Variants in TMEM108 observed in about 807,000 individuals in gnomAD.
TMEM108 encodes cancer/testis antigen 124.
Under a neutral mutation model 35.1 loss-of-function variants are expected in TMEM108, and 12 were observed. The observed-to-expected ratio is 0.34, with a 90% confidence interval of 0.22 to 0.55. TMEM108 has a LOEUF of 0.55. Ranked by LOEUF, TMEM108 falls within the 20% of genes least tolerant of loss-of-function variation. The pLI, the probability that TMEM108 is intolerant of heterozygous loss-of-function variation, is 0.89. For missense variants in TMEM108, 680 were observed against 753.3 expected (o/e 0.90, Z 1.14); for synonymous variants, 287 against 308.6 (o/e 0.93, Z 0.73).
At chr3:133,060,997 A>G (rs950478384) in intron 2 of TMEM108, among the ~76,000 whole-genome samples, 3 of 152,186 alleles carry the variant, frequency 2.0e-5, no homozygotes, top group Non-Finnish European at 4.4e-5. Context: ...TTTTAATGGA[A>G]GGATATCCCT....
At chr3:133,180,387 A>C (rs948750691) in intron 2 of TMEM108, among the ~76,000 whole-genome samples, 1 of 152,124 alleles carries the variant, frequency 6.6e-6, no homozygotes, top group Non-Finnish European at 1.5e-5. Flanking sequence ...TTTTTCTGGA[A>C]GAAGGCCTCA....
intron 2 of TMEM108, among the ~76,000 whole-genome samples, chr3:133,109,501 T>TG (rs1944200438): frequency 6.6e-6 from 1 of 152,108 alleles, no homozygotes; most frequent in African/African-American, 2.4e-5. Context: ...TGTGTATCTC[T>TG]GGGGAGAGTT....
chr3:133,389,246 C>T, intron 4 of TMEM108: 1 of 985,452 alleles, frequency 1.0e-6, no homozygotes. Flanking sequence ...CATAATTCTT[C>T]CTCCTGGGCC....
intron 2 of TMEM108, among the ~76,000 whole-genome samples, chr3:133,101,059 C>A (rs1396409954): frequency 6.6e-6 from 1 of 152,010 alleles, no homozygotes; most frequent in African/African-American, 2.4e-5. Context: ...TTTTCTGTGT[C>A]CTATTTTTGA....
At chr3:133,186,898 G>C (rs1194437244) in intron 2 of TMEM108, among the ~76,000 whole-genome samples, 2 of 152,098 alleles carry the variant, frequency 1.3e-5, no homozygotes, top group South Asian at 4.1e-4. Context: ...GTGTATGTGT[G>C]TGTGTGTTTT....
intron 2 of TMEM108, among the ~76,000 whole-genome samples, chr3:133,159,039 G>A (rs1433086079): frequency 6.6e-6 from 1 of 152,200 alleles, no homozygotes; most frequent in Non-Finnish European, 1.5e-5. Context: ...ATCACCCAGA[G>A]AAGGACAGCA....
At chr3:133,111,002 A>T (rs529755042) in intron 2 of TMEM108, among the ~76,000 whole-genome samples, 1 of 152,234 alleles carries the variant, frequency 6.6e-6, no homozygotes, top group South Asian at 2.1e-4. Context: ...AGGTTTCTCA[A>T]TCCTTTCACT....
chr3:133,331,193 A>G (rs1029303406), intron 3 of TMEM108, among the ~76,000 whole-genome samples: 1 of 152,228 alleles, frequency 6.6e-6, no homozygotes, highest in Admixed American at 6.5e-5. Context: ...AGGCCTCAAC[A>G]AAATGAGGCT....
intron 3 of TMEM108, among the ~76,000 whole-genome samples, chr3:133,251,098 A>T (rs989465412): frequency 2.6e-5 from 4 of 152,202 alleles, no homozygotes; most frequent in African/African-American, 9.6e-5. Context: ...CAGCCAGTCC[A>T]TGATCAGTCA....
intron 2 of TMEM108, among the ~76,000 whole-genome samples, chr3:133,161,511 T>C (rs1944961716): frequency 6.6e-6 from 1 of 152,218 alleles, no homozygotes; most frequent in Non-Finnish European, 1.5e-5. Flanking sequence ...AATTAATAGC[T>C]ATTGAATGAA....
rs180810642 is a variant in TMEM108 at position 133,120,555 on chromosome 3, A to G, written c.-47+74535A>G. The stretch of plus-strand genomic sequence containing the variant: ...TTGCTTTATGCCTAACTAGACCACT[A>G]TTACAACAAAGCAGATGCTCTGGGC... On this transcript the variant is annotated intron_variant, in intron 2 of 5. Transcript: ENST00000321871. 1.1e-4 allele frequency among the ~76,000 whole-genome samples: 16 copies of G among 152,296 alleles called. No homozygotes were observed. In the South Asian group the frequency reaches 2.5e-3, roughly 24 times the overall value.
chr3:133,090,520 T>C lies in TMEM108; in HGVS notation c.-47+44500T>C, dbSNP rs552022814. ...TTTGGGACAAAGCCATCAGTAAGCA[T>C]CAGTAAGTCATTTCGCATTACTATA... is the stretch of plus-strand genomic sequence containing the variant. On this transcript the variant is annotated intron_variant, in intron 2 of 5. Coordinates refer to ENST00000321871, the MANE Select transcript of TMEM108 (RefSeq NM_023943.4). Among the ~76,000 whole-genome samples, 205 of 152,364 alleles carry C rather than the reference T, an allele frequency of 1.3e-3. 2 individuals carry two copies. The highest frequency in any genetic ancestry group is 2.2e-3 in the Non-Finnish European group (150 of 68,038).
intron 3 of TMEM108, among the ~76,000 whole-genome samples, chr3:133,262,014 T>G (rs1490229877): frequency 6.6e-6 from 1 of 152,238 alleles, no homozygotes; most frequent in Non-Finnish European, 1.5e-5. Context: ...ATCATTAACA[T>G]ATGTATTTGT....
chr3:133,245,565 G>A (rs71315696), intron 3 of TMEM108, among the ~76,000 whole-genome samples: 9,855 of 152,000 alleles, frequency 0.065, 444 homozygotes, highest in South Asian at 0.14. Context: ...AATTTTTTTT[G>A]TTGTTCTTTG....
intron 3 of TMEM108, among the ~76,000 whole-genome samples, chr3:133,262,625 A>G (rs921012297): frequency 6.6e-6 from 1 of 152,236 alleles, no homozygotes; most frequent in African/African-American, 2.4e-5. Context: ...GACATATCCT[A>G]GAGGCTACTA....
chr3:133,057,628 T>A lies in TMEM108; in HGVS notation c.-47+11608T>A, dbSNP rs910015494. Among the ~76,000 whole-genome samples the A allele has an allele frequency of 3.9e-5, 6 of 151,950 alleles. 1 individual carries two copies. In the East Asian group the frequency reaches 1.2e-3, roughly 29 times the overall value. ...CTGAACCTTTACTGGTTGTTTAAAT[T>A]TTGTGGTCATGTGTGTTTTTACCAT... is the stretch of plus-strand genomic sequence containing the variant. On this transcript the variant is annotated intron_variant, in intron 2 of 5. Transcript: ENST00000321871.
intron 2 of TMEM108, among the ~76,000 whole-genome samples, chr3:133,176,002 A>G (rs1290437928): frequency 6.6e-6 from 1 of 152,248 alleles, no homozygotes; most frequent in Non-Finnish European, 1.5e-5. Context: ...GGAAAACAAA[A>G]AAAGGCAGCG....
At chr3:133,294,842 G>T (rs1274636121) in intron 3 of TMEM108, among the ~76,000 whole-genome samples, 1 of 152,190 alleles carries the variant, frequency 6.6e-6, no homozygotes, top group East Asian at 1.9e-4. Context: ...CCTATTTCCT[G>T]AAGAATTTTT....
At chr3:133,255,733 A>G (rs1242593125) in intron 3 of TMEM108, among the ~76,000 whole-genome samples, 1 of 152,218 alleles carries the variant, frequency 6.6e-6, no homozygotes, top group South Asian at 2.1e-4. Context: ...TCACGCCTGT[A>G]ATCCAAGCTC....
Sources: gnomAD v4.1 joint callset for allele counts (sites outside exome capture counted in the v4.1 genomes callset) on GRCh38, gnomAD v4.1.1 for gene constraint, MANE v1.5 for transcripts, NCBI Gene and HGNC (gene_info 2026-07-23, HGNC 2026-07-21) for gene names.